CIMIP6: variants seen among roughly 807,000 people sequenced by gnomAD.
CIMIP6 encodes the protein ciliary microtubule inner protein 6.
At chr2:54,381,452 C>A in the CIMIP6 span, among the ~76,000 whole-genome samples, 1 of 152,210 alleles carries the variant, frequency 6.6e-6, no homozygotes, top group Non-Finnish European at 1.5e-5. Flanking sequence ...TATGTTTTCT[C>A]ACGTTTTCTT....
At chr2:54,371,949 G>A in the CIMIP6 span, among the ~76,000 whole-genome samples, 2 of 152,196 alleles carry the variant, frequency 1.3e-5, no homozygotes, top group Non-Finnish European at 1.5e-5. Flanking sequence ...AAATGATAAT[G>A]TGAACAGCTA....
the CIMIP6 span, among the ~76,000 whole-genome samples, chr2:54,377,749 G>T: frequency 7.3e-6 from 1 of 136,390 alleles, no homozygotes; most frequent in Non-Finnish European, 1.5e-5. Flanking sequence ...TGGCGTCGGG[G>T]CTGGAGAGTG....
At chr2:54,348,032 G>A in the CIMIP6 span, among the ~76,000 whole-genome samples, 1 of 152,146 alleles carries the variant, frequency 6.6e-6, no homozygotes, top group Non-Finnish European at 1.5e-5. Context: ...TTTCTGTAGT[G>A]TGATTGTACT....
At chr2:54,343,723 G>A in the CIMIP6 span, 14 of 1,586,974 alleles carry the variant, frequency 8.8e-6, no homozygotes, top group Non-Finnish European at 1.2e-5. Flanking sequence ...TATAAAGGGT[G>A]ACTGGTGGTC....
At chr2:54,342,285 A>T in the CIMIP6 span, among the ~76,000 whole-genome samples, 2 of 152,198 alleles carry the variant, frequency 1.3e-5, no homozygotes, top group African/African-American at 4.8e-5. Context: ...TTGAATGAAT[A>T]GTTCTGACTT....
At chr2:54,347,531 T>C in the CIMIP6 span, among the ~76,000 whole-genome samples, 1,453 of 152,288 alleles carry the variant, frequency 9.5e-3, 28 homozygotes, top group African/African-American at 0.033. Flanking sequence ...TAACGAGCAG[T>C]TATGGTACTT....
the CIMIP6 span, among the ~76,000 whole-genome samples, chr2:54,366,029 A>G: frequency 2.6e-5 from 4 of 152,222 alleles, no homozygotes; most frequent in African/African-American, 9.6e-5. Context: ...TGGCTATGAT[A>G]GAGACTACTA....
chr2:54,331,016 T>G, the CIMIP6 span: 67 of 1,613,500 alleles, frequency 4.2e-5, no homozygotes, highest in Non-Finnish European at 5.1e-5. Flanking sequence ...GTGCTGGGGT[T>G]TGGTGTCTTA....
chr2:54,360,484 C>G, the CIMIP6 span: 1 of 1,574,864 alleles, frequency 6.3e-7, no homozygotes, highest in African/African-American at 1.4e-5. Context: ...AGACCTCAGG[C>G]GCCACTCAAA....
the CIMIP6 span, among the ~76,000 whole-genome samples, chr2:54,362,032 C>T: frequency 6.6e-6 from 1 of 152,150 alleles, no homozygotes; most frequent in African/African-American, 2.4e-5. Context: ...TGAATAAACT[C>T]CTTGTGAAAA....
chr2:54,337,692 A>C, the CIMIP6 span, among the ~76,000 whole-genome samples: 10 of 152,346 alleles, frequency 6.6e-5, no homozygotes, highest in African/African-American at 2.4e-4. Flanking sequence ...AAAAATGAAC[A>C]AAGGTGTTAA....
At chr2:54,361,826 C>G in the CIMIP6 span, among the ~76,000 whole-genome samples, 1 of 152,100 alleles carries the variant, frequency 6.6e-6, no homozygotes, top group East Asian at 1.9e-4. Flanking sequence ...GGTCTTAAAG[C>G]CTAGGGACTT....
At chr2:54,332,493 G>A in the CIMIP6 span, among the ~76,000 whole-genome samples, 8 of 152,282 alleles carry the variant, frequency 5.3e-5, no homozygotes, top group African/African-American at 1.9e-4. Context: ...TCTTACAATA[G>A]GTATTGTTCC....
the CIMIP6 span, among the ~76,000 whole-genome samples, chr2:54,377,683 C>T: frequency 6.6e-6 from 1 of 152,114 alleles, no homozygotes; most frequent in Non-Finnish European, 1.5e-5. Context: ...TTTCAGCAGT[C>T]CATAGGTATG....
At chr2:54,353,560 A>G in the CIMIP6 span, among the ~76,000 whole-genome samples, 1 of 152,104 alleles carries the variant, frequency 6.6e-6, no homozygotes, top group Non-Finnish European at 1.5e-5. Flanking sequence ...GGGAAACTGC[A>G]TGAGTTAAAA....
the CIMIP6 span, chr2:54,360,378 A>G: frequency 1.9e-6 from 3 of 1,609,660 alleles, no homozygotes; most frequent in Non-Finnish European, 2.5e-6. Flanking sequence ...TGCCAACAAA[A>G]TTCTCAGGAG....
chr2:54,351,285 GT>G, the CIMIP6 span, among the ~76,000 whole-genome samples: 4 of 152,122 alleles, frequency 2.6e-5, no homozygotes, highest in Non-Finnish European at 5.9e-5. Context: ...ACATTACTGG[GT>G]ATATACCCAA....
chr2:54,350,207 T>C, the CIMIP6 span, among the ~76,000 whole-genome samples: 2 of 152,140 alleles, frequency 1.3e-5, no homozygotes, highest in Non-Finnish European at 2.9e-5. Flanking sequence ...GGTTTTAGAT[T>C]ACTATTTAAA....
chr2:54,372,080 G>A, the CIMIP6 span, among the ~76,000 whole-genome samples: 1 of 152,186 alleles, frequency 6.6e-6, no homozygotes, highest in Non-Finnish European at 1.5e-5. Context: ...AGCATTCTCA[G>A]CAACCTTTTA....
Sources: allele counts gnomAD v4.1 joint callset (sites outside exome capture counted in the v4.1 genomes callset), GRCh38; gene constraint gnomAD v4.1.1; transcripts MANE v1.5; gene names NCBI Gene and HGNC (gene_info 2026-07-23, HGNC 2026-07-21).